CRTC3: variants seen among roughly 807,000 people sequenced by gnomAD.
CRTC3 encodes CREB regulated transcription coactivator 3.
A neutral mutation model predicts 74.5 loss-of-function variants in CRTC3; 26 were observed. That is an observed-to-expected ratio of 0.35 (90% CI 0.26 to 0.48). The LOEUF (loss-of-function observed/expected upper bound fraction) is 0.48, where lower values mean the gene tolerates loss of function less well. CRTC3 is among the 20% of genes least tolerant of loss of function. CRTC3 has a pLI of 0.99. For missense variants in CRTC3, 760 were observed against 787.3 expected (o/e 0.97, Z 0.41); for synonymous variants, 377 against 325.8 (o/e 1.16, Z -1.69).
intron 2 of CRTC3, among the ~76,000 whole-genome samples, chr15:90,545,514 C>T (rs1445472024): frequency 6.6e-6 from 1 of 151,604 alleles, no homozygotes; most frequent in Non-Finnish European, 1.5e-5. Flanking sequence ...GTTCTACTGC[C>T]TGAGCCTCCT....
At chr15:90,625,288 A>T (rs1468742737) in intron 9 of CRTC3, among the ~76,000 whole-genome samples, 1 of 152,240 alleles carries the variant, frequency 6.6e-6, no homozygotes, top group Non-Finnish European at 1.5e-5. Flanking sequence ...CACAGTGCCT[A>T]GCCCATAGAT....
rs570256328 is a variant in CRTC3 at position 90,642,436 on chromosome 15, T to A, written c.*296T>A. On this transcript the variant is annotated 3_prime_UTR_variant, in exon 15 of 15. Transcript: ENST00000268184. ...CTGCATCTTTTTACTGGCCATCCAG[T>A]CAGCCGATGTGTAAGAGTAGGAAAT... 2.2e-4 allele frequency: 106 copies of A among 476,690 alleles called. No individual in the cohort carries two copies. Among genetic ancestry groups the A allele is most frequent in the African/African-American group, 1.3e-3 (68 of 52,048 alleles). 29.5% of individuals were successfully genotyped at this position (476,690 alleles called of 1,614,324 possible). A position where few individuals can be genotyped will look rare whatever the true frequency, so the allele number is the denominator to read the frequency against.
rs35388689 is a variant in CRTC3, at chr15:90,643,718, C to T, written c.*1578C>T. The stretch of plus-strand genomic sequence containing the variant: ...CAGTAGGTTTGAAGGGGGCAGAGCA[C>T]TGCAGGGGGAGGGGGGGGTCTAGGC... On this transcript the variant is annotated 3_prime_UTR_variant, in exon 15 of 15. Transcript: ENST00000268184. 5,176 of 231,570 alleles carry T rather than the reference C, an allele frequency of 0.022. 77 individuals are homozygous for T. The highest frequency in any genetic ancestry group is 0.034 in the Non-Finnish European group (3,962 of 117,326). The allele number at this position is 231,570 out of a possible 1,614,324, so 14.3% of individuals were successfully genotyped here. A position where few individuals can be genotyped will look rare whatever the true frequency, so the allele number is the denominator to read the frequency against.
chr15:90,548,468 T>G (rs899297886), intron 2 of CRTC3, among the ~76,000 whole-genome samples: 2 of 152,220 alleles, frequency 1.3e-5, no homozygotes, highest in Non-Finnish European at 2.9e-5. Context: ...AGAGTTCGCA[T>G]AGCAAGTAAG....
intron 2 of CRTC3, among the ~76,000 whole-genome samples, chr15:90,585,506 A>C (rs1048867039): frequency 1.4e-4 from 21 of 152,278 alleles, no homozygotes; most frequent in African/African-American, 4.8e-4. Flanking sequence ...ATCTGTGTAA[A>C]ATCTCAAAAA....
chr15:90,571,789 T>C (rs1967272840), intron 2 of CRTC3, among the ~76,000 whole-genome samples: 1 of 152,160 alleles, frequency 6.6e-6, no homozygotes, highest in African/African-American at 2.4e-5. Flanking sequence ...CTGGGAAGTA[T>C]ATGCAAGCGT....
At chr15:90,626,610 A>C (rs976803565) in intron 10 of CRTC3, among the ~76,000 whole-genome samples, 10 of 132,918 alleles carry the variant, frequency 7.5e-5, no homozygotes, top group African/African-American at 2.7e-4. Context: ...GAAGCCTGAC[A>C]CTTTTTTTTT....
At chr15:90,571,972 G>C (rs1175112999) in intron 2 of CRTC3, among the ~76,000 whole-genome samples, 1 of 151,954 alleles carries the variant, frequency 6.6e-6, no homozygotes, top group Non-Finnish European at 1.5e-5. Context: ...GACCAGCCTG[G>C]CCAACATGGT....
intron 2 of CRTC3, among the ~76,000 whole-genome samples, chr15:90,570,878 A>G (rs1259545325): frequency 9.9e-5 from 15 of 151,142 alleles, no homozygotes. Flanking sequence ...GCTTCAGCAG[A>G]GTGCAGCAAA....
At chr15:90,635,763 C>CG (rs11449779) in intron 11 of CRTC3, among the ~76,000 whole-genome samples, 35,099 of 151,958 alleles carry the variant, frequency 0.23, 4,520 homozygotes, top group African/African-American at 0.35. Context: ...TCCTGTGAGC[C>CG]GGGTTGGGAA....
chr15:90,551,052 G>A (rs28681142), intron 2 of CRTC3, among the ~76,000 whole-genome samples: 4,189 of 152,216 alleles, frequency 0.028, 200 homozygotes, highest in African/African-American at 0.095. Context: ...AAAGGAAGAG[G>A]TGAAGTTTCT....
rs532366810 is a variant in CRTC3, at chr15:90,615,451, A to G, written c.613+963A>G. ...TGAGACCCTAGGGGGGACATGATGA[A>G]TGAGGAGCATCTTGCAAGACGCACA... is the stretch of plus-strand genomic sequence containing the variant. On this transcript the variant is annotated intron_variant, in intron 7 of 14. Transcript: ENST00000268184. Among the ~76,000 whole-genome samples, 7 of 152,380 alleles carry G rather than the reference A, an allele frequency of 4.6e-5. 1 individual carries two copies. In the South Asian group the frequency reaches 1.5e-3, roughly 32 times the overall value.
At position 90,562,715 on chromosome 15, in the gene CRTC3, T is replaced by A. The variant is rs969271282; in HGVS notation, c.231+22578T>A. ...CTTGACTACCTAGGAAGTCTCTCCTTGGGTGAGTCTTAACTCGCCTGAACT... is the reference window on the plus strand; with the variant it reads ...CTTGACTACCTAGGAAGTCTCTCCTAGGGTGAGTCTTAACTCGCCTGAACT... On this transcript the variant is annotated intron_variant, in intron 2 of 14. Coordinates refer to ENST00000268184, the MANE Select transcript of CRTC3 (RefSeq NM_022769.5). Among the ~76,000 whole-genome samples, 16 of 152,306 alleles carry A rather than the reference T, an allele frequency of 1.1e-4. No individual in the cohort carries two copies. The East Asian group carries it at 2.9e-3, about 28-fold the overall frequency.
intron 2 of CRTC3, among the ~76,000 whole-genome samples, chr15:90,556,750 C>T (rs1026901111): frequency 2.2e-4 from 34 of 151,802 alleles, no homozygotes; most frequent in African/African-American, 7.0e-4. Flanking sequence ...AATCTACAGC[C>T]GTCAGAGAAA....
chr15:90,598,607 T>C, intron 3 of CRTC3: 2 of 688,414 alleles, frequency 2.9e-6, no homozygotes, highest in Non-Finnish European at 5.3e-6. Flanking sequence ...GTGGCCTCAC[T>C]AAATGAGATG....
intron 2 of CRTC3, among the ~76,000 whole-genome samples, chr15:90,569,015 C>CA (rs1242356820): frequency 1.4e-5 from 2 of 143,106 alleles, no homozygotes; most frequent in African/African-American, 5.2e-5. Flanking sequence ...TTTAAAGAGA[C>CA]AGAGTTTCTC....
At position 90,642,639 on chromosome 15, in the gene CRTC3, T is replaced by G. The variant is rs1368646921; in HGVS notation, c.*499T>G. ...GGCGAGGCCCTCCAGCGGGGGACAT[T>G]CCCAGGCTGAGTGGACCCCACGGCT... On this transcript the variant is annotated 3_prime_UTR_variant, in exon 15 of 15. Coordinates refer to ENST00000268184, the MANE Select transcript of CRTC3 (RefSeq NM_022769.5). 4.2e-6 allele frequency: 1 copy of G among 240,776 alleles called. No individual in the cohort carries two copies. Among genetic ancestry groups the G allele is most frequent in the Non-Finnish European group, 8.2e-6 (1 of 122,424 alleles). 14.9% of individuals were successfully genotyped at this position (240,776 alleles called of 1,614,324 possible).
At chr15:90,574,245 G>A (rs989175726) in intron 2 of CRTC3, among the ~76,000 whole-genome samples, 5 of 152,124 alleles carry the variant, frequency 3.3e-5, no homozygotes, top group African/African-American at 9.7e-5. Context: ...TTGGGAGGCC[G>A]AGGTTGGTAG....
At chr15:90,634,720 G>C in intron 11 of CRTC3, 1 of 746,108 alleles carries the variant, frequency 1.3e-6, no homozygotes, top group Non-Finnish European at 2.4e-6. Flanking sequence ...GAGGCGAAGG[G>C]AGTCATGGCA....
Sources: allele counts gnomAD v4.1 joint callset (sites outside exome capture counted in the v4.1 genomes callset), GRCh38; gene constraint gnomAD v4.1.1; transcripts MANE v1.5; gene names NCBI Gene and HGNC (gene_info 2026-07-23, HGNC 2026-07-21).